MCUB: variants seen among roughly 807,000 people sequenced by gnomAD.
MCUB encodes mitochondrial calcium uniporter dominant negative subunit beta.
In MCUB, 46 loss-of-function variants were observed where a neutral mutation model predicts 41.4. The observed-to-expected ratio is 1.11, with a 90% confidence interval of 0.88 to 1.42. The LOEUF (loss-of-function observed/expected upper bound fraction) is 1.42, where lower values mean the gene tolerates loss of function less well. MCUB is among the 40% of genes most tolerant of loss of function. The probability of loss-of-function intolerance (pLI) is 0.00; values close to 1 mark genes in which losing one functional copy is unlikely to be tolerated. For synonymous variants in MCUB, 148 were observed against 148.2 expected (o/e 1.00, Z 0.01); for missense variants, 403 against 404.9 (o/e 1.00, Z 0.04).
At chr4:109,681,339 C>T in intron 4 of MCUB, 1 of 334,832 alleles carries the variant, frequency 3.0e-6, no homozygotes, top group East Asian at 9.5e-5. Flanking sequence ...TAGTCAAAAG[C>T]TACTAAAGTT....
rs1441157016 is a variant in MCUB at position 109,684,754 on chromosome 4, GT to G, written c.816+113del. The G allele has an allele frequency of 2.9e-5, 18 of 620,268 alleles. No homozygotes were observed. In the Admixed American group the frequency reaches 3.3e-4, roughly 11 times the overall value. 38.4% of individuals were successfully genotyped at this position (620,268 alleles called of 1,614,324 possible). On this transcript the variant is annotated intron_variant, in intron 6 of 7. Transcript: ENST00000394650. ...TTATTTACTGAATTACTGCCATCTGGTTTTTATGAGCTGGTAAATTTTTTAT... is the reference window on the plus strand; with the variant it reads ...TTATTTACTGAATTACTGCCATCTGGTTTTATGAGCTGGTAAATTTTTTAT...
At chr4:109,574,669 C>T (rs534011576) in intron 1 of MCUB, among the ~76,000 whole-genome samples, 14 of 152,284 alleles carry the variant, frequency 9.2e-5, no homozygotes, top group African/African-American at 3.1e-4. Context: ...AGGGCATATA[C>T]AAGACGTTAA....
At chr4:109,566,248 T>C (rs1248069225) in intron 1 of MCUB, among the ~76,000 whole-genome samples, 1 of 151,262 alleles carries the variant, frequency 6.6e-6, no homozygotes, top group Non-Finnish European at 1.5e-5. Context: ...GGTGGGCAGA[T>C]CACGAGGTGA....
At chr4:109,618,952 T>TTCTCTCTCTCTC (rs10557098) in intron 1 of MCUB, among the ~76,000 whole-genome samples, 1,575 of 127,674 alleles carry the variant, frequency 0.012, 44 homozygotes, top group African/African-American at 0.043. Context: ...AACATTAAAC[T>TTCTCTCTCTCTC]TCTCTCTCTC....
intron 4 of MCUB, among the ~76,000 whole-genome samples, chr4:109,667,030 A>C (rs1053516229): frequency 1.3e-5 from 2 of 152,022 alleles, no homozygotes; most frequent in South Asian, 4.2e-4. Context: ...TTCACGAGAG[A>C]TATTGGTCTG....
intron 1 of MCUB, among the ~76,000 whole-genome samples, chr4:109,647,749 A>C (rs1728870147): frequency 6.6e-6 from 1 of 152,214 alleles, no homozygotes; most frequent in Non-Finnish European, 1.5e-5. Flanking sequence ...ATAACCGACC[A>C]CAGTCTAGTA....
chr4:109,640,932 T>C (rs1313460293), intron 1 of MCUB, among the ~76,000 whole-genome samples: 2 of 152,204 alleles, frequency 1.3e-5, no homozygotes, highest in Non-Finnish European at 2.9e-5. Flanking sequence ...AGCTTAATTA[T>C]TTCTAGATTT....
At chr4:109,653,098 T>TG (rs1176001822) in intron 1 of MCUB, among the ~76,000 whole-genome samples, 1 of 152,124 alleles carries the variant, frequency 6.6e-6, no homozygotes, top group African/African-American at 2.4e-5. Context: ...ACGGTCAGGC[T>TG]GGGTGTGGTG....
intron 1 of MCUB, among the ~76,000 whole-genome samples, chr4:109,583,818 AATC>A (rs1290353883): frequency 6.6e-6 from 1 of 152,174 alleles, no homozygotes; most frequent in African/African-American, 2.4e-5. Flanking sequence ...CTATTGAGAT[AATC>A]ATGGGGTTTT....
At position 109,673,843 on chromosome 4, in the gene MCUB, A is replaced by G; in HGVS notation, c.452-8739A>G. 5 of 753,398 alleles carry G rather than the reference A, an allele frequency of 6.6e-6. No individual in the cohort carries two copies. The South Asian group carries it at 7.1e-5, about 11-fold the overall frequency. 46.7% of individuals were successfully genotyped at this position (753,398 alleles called of 1,614,324 possible). On this transcript the variant is annotated intron_variant, in intron 4 of 7. Coordinates refer to ENST00000394650, the MANE Select transcript of MCUB (RefSeq NM_017918.5). Reference sequence around the variant, plus strand: ...TAGGGAGATTCTTCAAGCAATCACTATGTCAGCAGACACAGGTGTTTCTCT... The same window carrying G: ...TAGGGAGATTCTTCAAGCAATCACTGTGTCAGCAGACACAGGTGTTTCTCT...
chr4:109,623,770 T>C (rs1728304700), intron 1 of MCUB, among the ~76,000 whole-genome samples: 2 of 152,218 alleles, frequency 1.3e-5, no homozygotes, highest in African/African-American at 4.8e-5. Flanking sequence ...GACCTCAGCA[T>C]TGTTCGAAGA....
At chr4:109,572,055 G>T (rs546762804) in intron 1 of MCUB, among the ~76,000 whole-genome samples, 2 of 152,326 alleles carry the variant, frequency 1.3e-5, no homozygotes, top group East Asian at 3.9e-4. Context: ...AGACACTATT[G>T]AGCCTCACTT....
intron 1 of MCUB, among the ~76,000 whole-genome samples, chr4:109,658,375 G>A (rs1479998570): frequency 2.6e-5 from 4 of 151,870 alleles, no homozygotes. Flanking sequence ...TTGGCTCACG[G>A]CAAACTCCAC....
chr4:109,642,205 G>C (rs1329841202), intron 1 of MCUB, among the ~76,000 whole-genome samples: 3 of 152,118 alleles, frequency 2.0e-5, no homozygotes, highest in African/African-American at 7.2e-5. Flanking sequence ...AACCAAGTCT[G>C]TTGCTTTTTC....
chr4:109,638,428 A>C (rs952546048), intron 1 of MCUB, among the ~76,000 whole-genome samples: 2 of 144,056 alleles, frequency 1.4e-5, no homozygotes, highest in African/African-American at 5.2e-5. Flanking sequence ...AAAAAAAAAA[A>C]ACCATACATT....
At chr4:109,674,905 C>G (rs1172939566) in intron 4 of MCUB, among the ~76,000 whole-genome samples, 1 of 152,182 alleles carries the variant, frequency 6.6e-6, no homozygotes, top group African/African-American at 2.4e-5. Flanking sequence ...TTGAACTGAA[C>G]AAATTACCTA....
chr4:109,562,841 G>C (rs1726673260), intron 1 of MCUB, among the ~76,000 whole-genome samples: 1 of 152,092 alleles, frequency 6.6e-6, no homozygotes. Context: ...ACTTCATATT[G>C]TATGTGAGCA....
chr4:109,567,340 C>G (rs574844568), intron 1 of MCUB, among the ~76,000 whole-genome samples: 1 of 152,082 alleles, frequency 6.6e-6, no homozygotes, highest in Admixed American at 6.5e-5. Flanking sequence ...TTTGATAAGT[C>G]CTTCTTGTTT....
chr4:109,592,109 C>G (rs1241603299), intron 1 of MCUB, among the ~76,000 whole-genome samples: 1 of 152,036 alleles, frequency 6.6e-6, no homozygotes, highest in Admixed American at 6.6e-5. Context: ...TGAATTTCCT[C>G]CTTTAATAAA....
Sources: gnomAD v4.1 joint callset for allele counts (sites outside exome capture counted in the v4.1 genomes callset) on GRCh38, gnomAD v4.1.1 for gene constraint, MANE v1.5 for transcripts, NCBI Gene and HGNC (gene_info 2026-07-23, HGNC 2026-07-21) for gene names.